ASF1A: variants seen among roughly 807,000 people sequenced by gnomAD.
The protein encoded by ASF1A is histone chaperone ASF1A.
In ASF1A, 5 loss-of-function variants were observed where a neutral mutation model predicts 22.0. That is an observed-to-expected ratio of 0.23 (90% CI 0.12 to 0.48). The LOEUF is 0.48. Among genes scored for constraint, ASF1A ranks in the 20% least tolerant of loss-of-function variants. The pLI is 0.99. For missense variants in ASF1A, 137 were observed against 240.6 expected (o/e 0.57, Z 2.85); for synonymous variants, 97 against 86.7 (o/e 1.12, Z -0.66).
intron 1 of ASF1A, among the ~76,000 whole-genome samples, chr6:118,896,284 G>A (rs894517509): frequency 4.6e-5 from 7 of 151,538 alleles, no homozygotes; most frequent in African/African-American, 9.7e-5. Context: ...ATTGCCAACT[G>A]CATATAAAAA....
intron 1 of ASF1A, among the ~76,000 whole-genome samples, chr6:118,895,088 G>T (rs1423255664): frequency 6.6e-6 from 1 of 152,082 alleles, no homozygotes; most frequent in South Asian, 2.1e-4. Flanking sequence ...CACTCTCCGG[G>T]CTGGCCATGC....
Position 118,894,525 on chromosome 6 carries a change from G to A in ASF1A, c.109+3G>A. Reference sequence around the variant, plus strand: ...GTGCATCGAGGACCTGTCTGAAGGTGAGTGCGGCGCCCGTGCGCCCGGGCT... The same window carrying A: ...GTGCATCGAGGACCTGTCTGAAGGTAAGTGCGGCGCCCGTGCGCCCGGGCT... On this transcript the variant is annotated splice_donor_region_variant and intron_variant, in intron 1 of 3. Coordinates refer to ENST00000229595, the MANE Select transcript of ASF1A (RefSeq NM_014034.3). 1.3e-6 allele frequency: 2 copies of A among 1,536,254 alleles called. No homozygotes were observed. The highest frequency in any genetic ancestry group is 1.7e-6 in the Non-Finnish European group (2 of 1,146,022).
rs1389567009 is a variant in ASF1A at position 118,908,325 on chromosome 6, T to A, written c.*711T>A. The stretch of plus-strand genomic sequence containing the variant: ...TTTCTTGAATCATACATCATTATTG[T>A]CCAGTGAATTCAAGACCAAATACAA... On this transcript the variant is annotated 3_prime_UTR_variant, in exon 4 of 4. Transcript: ENST00000229595. The A allele has an allele frequency of 6.6e-6, 1 of 152,148 alleles. No homozygotes were observed. The highest frequency in any genetic ancestry group is 1.5e-5 in the Non-Finnish European group (1 of 67,996). The allele number at this position is 152,148 out of a possible 1,614,324, so 9.4% of individuals were successfully genotyped here.
intron 1 of ASF1A, among the ~76,000 whole-genome samples, chr6:118,896,799 T>G (rs908215934): frequency 2.6e-5 from 4 of 151,594 alleles, no homozygotes; most frequent in Non-Finnish European, 5.9e-5. Context: ...ATATTACAGT[T>G]CTTTTAAAAA....
chr6:118,895,012 C>T (rs1297310798), intron 1 of ASF1A, among the ~76,000 whole-genome samples: 1 of 152,182 alleles, frequency 6.6e-6, no homozygotes, highest in African/African-American at 2.4e-5. Context: ...TCCTCTTGCC[C>T]CGCCGCCCGC....
Position 118,907,744 on chromosome 6 carries a change from T to A in ASF1A, c.*130T>A, listed in dbSNP as rs1393513642. ...TTAAAAACATCCTGTAGAAAGTTTA[T>A]AAGAAAACCAGTATTTGAACAAATT... On this transcript the variant is annotated 3_prime_UTR_variant, in exon 4 of 4. Coordinates refer to ENST00000229595, the MANE Select transcript of ASF1A (RefSeq NM_014034.3). 3 of 684,016 alleles carry A rather than the reference T, an allele frequency of 4.4e-6. No homozygotes were observed. The highest frequency in any genetic ancestry group is 7.2e-6 in the Non-Finnish European group (3 of 417,650). The allele number at this position is 684,016 out of a possible 1,614,324, so 42.4% of individuals were successfully genotyped here. A position where few individuals can be genotyped will look rare whatever the true frequency, so the allele number is the denominator to read the frequency against.
At chr6:118,904,139 T>TCCCC (rs1780003143) in intron 2 of ASF1A, among the ~76,000 whole-genome samples, 1 of 152,172 alleles carries the variant, frequency 6.6e-6, no homozygotes. Flanking sequence ...GTGCAAATGA[T>TCCCC]AGGCTAGAGC....
rs1779768125 is a variant in ASF1A at position 118,901,023 on chromosome 6, GT to G, written c.225+146del. ...TTCACTTTAAATCTGTTTCCATCAT[GT>G]TTTAGGCAGTCTCTGTGTCACAGAG... On this transcript the variant is annotated intron_variant, in intron 2 of 3. Coordinates refer to ENST00000229595, the MANE Select transcript of ASF1A (RefSeq NM_014034.3). The G allele has an allele frequency of 4.9e-6, 3 of 613,078 alleles. No individual in the cohort carries two copies. In the East Asian group the frequency reaches 8.3e-5, roughly 17 times the overall value. The allele number at this position is 613,078 out of a possible 1,614,324, so 38.0% of individuals were successfully genotyped here.
In ASF1A at chr6:118,907,733, T is replaced by C. The variant is rs1780274006; in HGVS notation, c.*119T>C. The C allele has an allele frequency of 1.3e-6, 1 of 744,406 alleles. No homozygotes were observed. Among genetic ancestry groups the C allele is most frequent in the Non-Finnish European group, 2.1e-6 (1 of 467,216 alleles). 46.1% of individuals were successfully genotyped at this position (744,406 alleles called of 1,614,324 possible). A position where few individuals can be genotyped will look rare whatever the true frequency, so the allele number is the denominator to read the frequency against. On this transcript the variant is annotated 3_prime_UTR_variant, in exon 4 of 4. Coordinates refer to ENST00000229595, the MANE Select transcript of ASF1A (RefSeq NM_014034.3). ...GAAGAATTTGTTTAAAAACATCCTG[T>C]AGAAAGTTTATAAGAAAACCAGTAT...
chr6:118,906,016 G>T (rs1780153982), intron 3 of ASF1A, among the ~76,000 whole-genome samples, 188 bp downstream of exon 3: 1 of 152,140 alleles, frequency 6.6e-6, no homozygotes, highest in African/African-American at 2.4e-5. Context: ...CTTCAGATGA[G>T]TCATTAGTAA....
intron 2 of ASF1A, among the ~76,000 whole-genome samples, chr6:118,904,321 A>T (rs1333016726): frequency 6.6e-6 from 1 of 152,168 alleles, no homozygotes; most frequent in Non-Finnish European, 1.5e-5. Context: ...GCCTTTTTGT[A>T]TCATCTACCT....
intron 1 of ASF1A, among the ~76,000 whole-genome samples, chr6:118,894,987 C>T (rs1170609462): frequency 6.7e-6 from 1 of 149,872 alleles, no homozygotes; most frequent in Non-Finnish European, 1.5e-5. Context: ...GCCAGCGACC[C>T]CGGCGCACGG....
At chr6:118,898,036 A>G (rs567710970) in intron 1 of ASF1A, among the ~76,000 whole-genome samples, 1 of 152,262 alleles carries the variant, frequency 6.6e-6, no homozygotes, top group Admixed American at 6.5e-5. Context: ...TCCACTGCTA[A>G]TTTCAGAGCT....
In ASF1A at chr6:118,905,820, T is replaced by C; in HGVS notation, c.394T>C (p.Phe132Leu). The C allele has an allele frequency of 6.3e-7, 1 of 1,598,496 alleles. No homozygotes were observed. Among genetic ancestry groups the C allele is most frequent in the Non-Finnish European group, 8.5e-7 (1 of 1,170,180 alleles). Residue 132 changes from phenylalanine to leucine, a missense_variant, in exon 3 of 4, where the codon TTT becomes CTT. By Grantham distance (22) the Phe-to-Leu change is conservative. Transcript: ENST00000229595. ...LRENPPVKPD[F>L]SKLQRNILAS... ...GGAAAATCCACCAGTAAAACCAGAC[T>C]TTTCTAAGGTAATGTTCTTACTATT...
intron 3 of ASF1A, 22 bp from the exon 4 acceptor site, chr6:118,907,380 G>C: frequency 1.3e-6 from 2 of 1,513,122 alleles, no homozygotes; most frequent in African/African-American, 1.4e-5. Flanking sequence ...TTTACCATTT[G>C]TATGTTTCCT....
intron 1 of ASF1A, among the ~76,000 whole-genome samples, 154 bp downstream of exon 1, chr6:118,894,676 G>A (rs757285334): frequency 6.6e-6 from 1 of 152,240 alleles, no homozygotes; most frequent in Non-Finnish European, 1.5e-5. Context: ...GACGACGGCC[G>A]CCGAGGCGCG....
intron 1 of ASF1A, among the ~76,000 whole-genome samples, chr6:118,895,911 C>T (rs1020572844): frequency 6.6e-6 from 1 of 151,894 alleles, no homozygotes; most frequent in African/African-American, 2.4e-5. Flanking sequence ...AATTATAAAA[C>T]AATATATATT....
At chr6:118,895,792 T>TA (rs1204605472) in intron 1 of ASF1A, among the ~76,000 whole-genome samples, 1 of 152,170 alleles carries the variant, frequency 6.6e-6, no homozygotes, top group Non-Finnish European at 1.5e-5. Context: ...GAAGTATATG[T>TA]AAAAAATGCA....
At position 118,900,421 on chromosome 6, in the gene ASF1A, G is replaced by A. The variant is rs141807369; in HGVS notation, c.110-345G>A. On this transcript the variant is annotated intron_variant, in intron 1 of 3. Transcript: ENST00000229595. ...TGGGAAGTGCTGGATTAATGTTACTGGTGTTCTTTACTGAAGGATATCTCA... is the reference window on the plus strand; with the variant it reads ...TGGGAAGTGCTGGATTAATGTTACTAGTGTTCTTTACTGAAGGATATCTCA... Among the ~76,000 whole-genome samples, 28 of 152,258 alleles carry A rather than the reference G, an allele frequency of 1.8e-4. No homozygotes were observed. The East Asian group carries it at 4.4e-3, about 24-fold the overall frequency.
Sources: gnomAD v4.1 joint callset for allele counts (sites outside exome capture counted in the v4.1 genomes callset) on GRCh38, gnomAD v4.1.1 for gene constraint, MANE v1.5 for transcripts, NCBI Gene and HGNC (gene_info 2026-07-23, HGNC 2026-07-21) for gene names.